The following ACOT12 variants were observed in gnomAD, a reference collection of about 807,000 sequenced individuals.
The protein encoded by ACOT12 is acetyl-coenzyme A thioesterase.
ACOT12 carries 51 observed loss-of-function variants against 67.7 expected under a neutral mutation model. That is an observed-to-expected ratio of 0.75 (90% confidence interval 0.60 to 0.95). The LOEUF (loss-of-function observed/expected upper bound fraction) is 0.95. Ranked by LOEUF, ACOT12 falls within the 40% of genes least tolerant of loss-of-function variation. ACOT12 has a pLI of 0.00. For missense variants in ACOT12, 734 were observed against 708.1 expected, an observed-to-expected ratio of 1.04 and a Z score of -0.41; for synonymous variants, 251 against 244.6, an observed-to-expected ratio of 1.03 and a Z score of -0.24.
intron 2 of ACOT12, among the ~76,000 whole-genome samples, chr5:81,382,748 G>C (rs1760620098): frequency 6.6e-6 from 1 of 151,912 alleles, no homozygotes. Context: ...GTTGCAGTGA[G>C]CTGAGATTGC....
chr5:81,315,389 C>G, the ACOT12 span, among the ~76,000 whole-genome samples: 1 of 152,270 alleles, frequency 6.6e-6, no homozygotes, highest in East Asian at 1.9e-4. Flanking sequence ...TATGACCATC[C>G]TTATAGGAAA....
At chr5:81,342,938 T>C (rs1759247191) in intron 10 of ACOT12, among the ~76,000 whole-genome samples, 183 bp from the exon 11 acceptor site, 1 of 152,064 alleles carries the variant, frequency 6.6e-6, no homozygotes, top group Non-Finnish European at 1.5e-5. Context: ...TCCCAGCACT[T>C]TGGGAGGCCA....
At chr5:81,327,412 T>C (rs1758701482), downstream of ACOT12, among the ~76,000 whole-genome samples, 1 of 152,166 alleles carries the variant, frequency 6.6e-6, no homozygotes. Context: ...CTAGATTGCA[T>C]TGAAACCAGG....
At chr5:81,375,541 T>C (rs1020293422) in intron 2 of ACOT12, among the ~76,000 whole-genome samples, 2 of 151,962 alleles carry the variant, frequency 1.3e-5, no homozygotes, top group African/African-American at 4.8e-5. Context: ...AAAGACAGAC[T>C]GGCAAATTGG....
chr5:81,373,817 A>G (rs1202953658), intron 2 of ACOT12, among the ~76,000 whole-genome samples: 1 of 152,152 alleles, frequency 6.6e-6, no homozygotes, highest in African/African-American at 2.4e-5. Context: ...CTGCCTCTCT[A>G]GATTCCTCCT....
Position 81,344,229 on chromosome 5 carries a change from CAAAGT to C in ACOT12, c.925-19_925-15del, listed in dbSNP as rs779509158. The C allele has an allele frequency of 6.2e-7, 1 of 1,609,824 alleles. No homozygotes were observed. The highest frequency in any genetic ancestry group is 2.2e-5 in the East Asian group (1 of 44,850). ...TCTGAAATCATCCTTTAATCAAAAACAAAGTAAAATCAATAAAATAAAATAAAATA... is the reference window on the plus strand; with the variant it reads ...TCTGAAATCATCCTTTAATCAAAAACAAAATCAATAAAATAAAATAAAATA... On this transcript the variant is annotated splice_polypyrimidine_tract_variant and intron_variant, in intron 8 of 14. Transcript: ENST00000307624.
chr5:81,361,409 C>T (rs959939999), intron 4 of ACOT12, among the ~76,000 whole-genome samples: 3 of 151,904 alleles, frequency 2.0e-5, no homozygotes, highest in Non-Finnish European at 4.4e-5. Flanking sequence ...CTATGTTGCC[C>T]AGGCTGGTCT....
chr5:81,355,751 T>G (rs73766218), intron 5 of ACOT12, among the ~76,000 whole-genome samples: 12,626 of 152,086 alleles, frequency 0.083, 1,363 homozygotes, highest in African/African-American at 0.25. Context: ...ATGGTTTGGG[T>G]TGAGTGGGCC....
rs1015884888 is a variant in ACOT12 at position 81,334,099 on chromosome 5, C to A, written c.1263-1494G>T. 3.3e-5 allele frequency among the ~76,000 whole-genome samples: 5 copies of A among 152,156 alleles called. No individual in the cohort carries two copies. The East Asian group carries it at 9.6e-4, about 29-fold the overall frequency. ...CAGCCTGACTCCAGAAGAAGACCAC[C>A]TTCCCACTCCATCCTCCTTCTGGCT... is the stretch of plus-strand genomic sequence containing the variant. On this transcript the variant is annotated intron_variant, in intron 12 of 14. Coordinates refer to ENST00000307624, the MANE Select transcript of ACOT12 (RefSeq NM_130767.3).
At chr5:81,357,014 C>T (rs71636268) in intron 5 of ACOT12, among the ~76,000 whole-genome samples, 5 of 151,994 alleles carry the variant, frequency 3.3e-5, no homozygotes, top group African/African-American at 7.3e-5. Flanking sequence ...CTACCTTCTT[C>T]CTCTCCCGCC....
the ACOT12 span, among the ~76,000 whole-genome samples, chr5:81,311,943 C>CTTT: frequency 2.0e-5 from 3 of 151,936 alleles, no homozygotes; most frequent in Admixed American, 6.6e-5. Context: ...GGAAAGAGCA[C>CTTT]TTTTTTTTAT....
chr5:81,372,275 G>T (rs1760278341), intron 2 of ACOT12, among the ~76,000 whole-genome samples: 1 of 152,214 alleles, frequency 6.6e-6, no homozygotes, highest in Non-Finnish European at 1.5e-5. Context: ...ATGCTAGGTG[G>T]TCTACTCACT....
chr5:81,350,345 TTTG>T (rs142407177), intron 5 of ACOT12, among the ~76,000 whole-genome samples: 6 of 152,330 alleles, frequency 3.9e-5, no homozygotes, highest in Non-Finnish European at 8.8e-5. Flanking sequence ...GGTTATCTTT[TTTG>T]TTGTTGTTGT....
chr5:81,371,677 C>T (rs1760258138), intron 3 of ACOT12, 73 bp downstream of exon 3: 1 of 1,448,386 alleles, frequency 6.9e-7, no homozygotes. Flanking sequence ...TAGTCTAGGC[C>T]TCCTGCTCTA....
chr5:81,359,248 T>C (rs990335382), intron 5 of ACOT12, among the ~76,000 whole-genome samples: 4 of 152,066 alleles, frequency 2.6e-5, no homozygotes, highest in Admixed American at 2.6e-4. Context: ...CCGGCACCCC[T>C]TGGGGCTTCA....
chr5:81,385,177 G>A (rs1760694294), intron 2 of ACOT12, among the ~76,000 whole-genome samples: 2 of 152,144 alleles, frequency 1.3e-5, no homozygotes, highest in Non-Finnish European at 2.9e-5. Context: ...AGCCGGGCAT[G>A]GTGGCTCACT....
In ACOT12 at chr5:81,389,955, A is replaced by ATTT. The variant is rs34623194; in HGVS notation, c.127+4030_127+4032dup. Among the ~76,000 whole-genome samples, 444 of 129,526 alleles carry ATTT rather than the reference A, an allele frequency of 3.4e-3. 20 individuals carry two copies. The highest frequency in any genetic ancestry group is 5.5e-3 in the African/African-American group (193 of 35,056). 85.0% of individuals were successfully genotyped at this position (129,526 alleles called of 152,430 possible). A position where few individuals can be genotyped will look rare whatever the true frequency, so the allele number is the denominator to read the frequency against. ...CTCTGACACTTTATTTTATTTATGT[A>ATTT]TTTTTTTTTTTTTTTTTGAGACAGG... On this transcript the variant is annotated intron_variant, in intron 1 of 14. Coordinates refer to ENST00000307624, the MANE Select transcript of ACOT12 (RefSeq NM_130767.3).
chr5:81,342,796 T>C (rs1345722407), intron 10 of ACOT12, 41 bp from the exon 11 acceptor site: 2 of 1,578,524 alleles, frequency 1.3e-6, no homozygotes, highest in Non-Finnish European at 8.7e-7. Flanking sequence ...ATGTGTTCAA[T>C]ACATGGATGT....
chr5:81,356,103 T>C (rs1759704627), intron 5 of ACOT12, among the ~76,000 whole-genome samples: 1 of 151,498 alleles, frequency 6.6e-6, no homozygotes, highest in Non-Finnish European at 1.5e-5. Context: ...GTGATAGGAG[T>C]GTTTACTTTG....
Sources: allele counts gnomAD v4.1 joint callset (sites outside exome capture counted in the v4.1 genomes callset), GRCh38; gene constraint gnomAD v4.1.1; transcripts MANE v1.5; gene names NCBI Gene and HGNC (gene_info 2026-07-23, HGNC 2026-07-21).